MSANTD1: variants seen among roughly 807,000 people sequenced by gnomAD.
The protein encoded by MSANTD1 is myb/SANT-like DNA-binding domain-containing protein 1.
A neutral mutation model predicts 24.2 loss-of-function variants in MSANTD1; 7 were observed. That is an observed-to-expected ratio of 0.29 (90% CI 0.16 to 0.54). The LOEUF is 0.54. Among genes scored for constraint, MSANTD1 ranks in the 20% least tolerant of loss-of-function variants. MSANTD1 has a pLI of 0.94. For synonymous variants in MSANTD1, 177 were observed against 181.1 expected, an observed-to-expected ratio of 0.98 and a Z score of 0.18; for missense variants, 384 against 408.2, an observed-to-expected ratio of 0.94 and a Z score of 0.51.
At chr4:3,251,665 C>CA (rs2110320628) in intron 1 of MSANTD1, among the ~76,000 whole-genome samples, 1 of 151,770 alleles carries the variant, frequency 6.6e-6, no homozygotes, top group East Asian at 1.9e-4. Context: ...CTCCCCATAG[C>CA]AGAGGCTTTT....
chr4:3,253,070 T>A (rs1395494124), intron 1 of MSANTD1, 137 bp from the exon 2 acceptor site: 9 of 830,934 alleles, frequency 1.1e-5, no homozygotes, highest in African/African-American at 1.8e-5. Flanking sequence ...CCTGGCCGAT[T>A]TTGCTGGGGA....
rs1193882778 is a variant in MSANTD1 at position 3,255,989 on chromosome 4, G to GC, written c.*24_*25insC. ...AGGCCAGCAGGCGGCGGCGGCGGCG[G>GC]GGCCGGGCGGCTGGTGGTACTGCTC... On this transcript the variant is annotated 3_prime_UTR_variant, in exon 3 of 3. Coordinates refer to ENST00000438480, the MANE Select transcript of MSANTD1 (RefSeq NM_001042690.2). 6.7e-7 allele frequency: 1 copy of GC among 1,484,412 alleles called. No individual in the cohort carries two copies. Among genetic ancestry groups the GC allele is most frequent in the East Asian group, 2.5e-5 (1 of 39,914 alleles). 92.0% of individuals were successfully genotyped at this position (1,484,412 alleles called of 1,614,324 possible). A position where few individuals can be genotyped will look rare whatever the true frequency, so the allele number is the denominator to read the frequency against.
chr4:3,251,503 C>T (rs1475824035), intron 1 of MSANTD1, among the ~76,000 whole-genome samples: 2 of 152,098 alleles, frequency 1.3e-5, no homozygotes, highest in Non-Finnish European at 2.9e-5. Flanking sequence ...CACACCGCAG[C>T]CCCTCAGAGC....
intron 1 of MSANTD1, among the ~76,000 whole-genome samples, chr4:3,251,037 C>T (rs1482370247): frequency 6.6e-6 from 1 of 152,244 alleles, no homozygotes; most frequent in Non-Finnish European, 1.5e-5. Flanking sequence ...AAAGCCGGGA[C>T]CTAGGGTGCT....
Position 3,255,972 on chromosome 4 carries a change from A to AGGCGGCGGC in MSANTD1, c.*16_*24dup, listed in dbSNP as rs750401504. Reference sequence around the variant, plus strand: ...CACCAAGTCCAGCGTCTAGGCCAGCAGGCGGCGGCGGCGGCGGGGCCGGGC... The same window carrying AGGCGGCGGC: ...CACCAAGTCCAGCGTCTAGGCCAGCAGGCGGCGGCGGCGGCGGCGGCGGCGGGGCCGGGC... On this transcript the variant is annotated 3_prime_UTR_variant, in exon 3 of 3. Transcript: ENST00000438480. The AGGCGGCGGC allele has an allele frequency of 6.0e-6, 9 of 1,509,134 alleles. No individual in the cohort carries two copies. The highest frequency in any genetic ancestry group is 8.0e-6 in the Non-Finnish European group (9 of 1,128,664). The allele number at this position is 1,509,134 out of a possible 1,614,324, so 93.5% of individuals were successfully genotyped here. A position where few individuals can be genotyped will look rare whatever the true frequency, so the allele number is the denominator to read the frequency against.
chr4:3,252,741 T>A (rs574500460), intron 1 of MSANTD1, among the ~76,000 whole-genome samples: 2 of 152,352 alleles, frequency 1.3e-5, no homozygotes, highest in East Asian at 3.8e-4. Context: ...CCCTGAGGCA[T>A]TCTCTCCCGA....
In MSANTD1 at chr4:3,249,205, G is replaced by T; in HGVS notation, c.-18G>T. On this transcript the variant is annotated 5_prime_UTR_variant, in exon 1 of 3. Coordinates refer to ENST00000438480, the MANE Select transcript of MSANTD1 (RefSeq NM_001042690.2). Reference sequence around the variant, plus strand: ...CGTGGAGCTGCCTTCGAGCGAGCGTGAGCGGCGCCTCCCGCCCATGGTGCG... The same window carrying T: ...CGTGGAGCTGCCTTCGAGCGAGCGTTAGCGGCGCCTCCCGCCCATGGTGCG... 1.4e-6 allele frequency: 2 copies of T among 1,380,842 alleles called. No individual in the cohort carries two copies. The highest frequency in any genetic ancestry group is 1.7e-5 in the South Asian group (1 of 58,148). The allele number at this position is 1,380,842 out of a possible 1,614,324, so 85.5% of individuals were successfully genotyped here.
chr4:3,255,695 G>A (rs924939064), intron 2 of MSANTD1, 30 bp from the exon 3 acceptor site: 15 of 1,500,056 alleles, frequency 1.0e-5, no homozygotes, highest in Non-Finnish European at 1.3e-5. Flanking sequence ...TCTGTGGCCA[G>A]CACGTCCACA....
Position 3,256,149 on chromosome 4 carries a change from C to T in MSANTD1, c.*184C>T, listed in dbSNP as rs1053792491. 7.7e-6 allele frequency: 5 copies of T among 645,450 alleles called. No individual in the cohort carries two copies. Among genetic ancestry groups the T allele is most frequent in the East Asian group, 3.4e-5 (1 of 29,480 alleles). The allele number at this position is 645,450 out of a possible 1,614,324, so 40.0% of individuals were successfully genotyped here. A position where few individuals can be genotyped will look rare whatever the true frequency, so the allele number is the denominator to read the frequency against. On this transcript the variant is annotated 3_prime_UTR_variant, in exon 3 of 3. Transcript: ENST00000438480. ...TGAGGAACCCCCAGGCCCTGGGGAC[C>T]GTGAGGCTCCAGTCTCCAGCATGAA...
chr4:3,250,319 G>A (rs1326544942), intron 1 of MSANTD1, among the ~76,000 whole-genome samples: 1 of 152,206 alleles, frequency 6.6e-6, no homozygotes, highest in Admixed American at 6.5e-5. Flanking sequence ...TGCAGGGAAG[G>A]CCGGAGGGGA....
chr4:3,247,223 G>A (rs1259956826), upstream of MSANTD1, among the ~76,000 whole-genome samples: 1 of 152,166 alleles, frequency 6.6e-6, no homozygotes, highest in African/African-American at 2.4e-5. Context: ...GTCAGATCCT[G>A]TTACCCCTGT....
intron 2 of MSANTD1, among the ~76,000 whole-genome samples, chr4:3,255,052 C>A (rs930834454): frequency 6.6e-6 from 1 of 152,174 alleles, no homozygotes; most frequent in African/African-American, 2.4e-5. Flanking sequence ...GGGGCTGAGC[C>A]CCCACCTGCC....
chr4:3,251,882 G>T (rs990281047), intron 1 of MSANTD1, among the ~76,000 whole-genome samples: 1 of 152,058 alleles, frequency 6.6e-6, no homozygotes, highest in African/African-American at 2.4e-5. Context: ...GAGAAGCCTG[G>T]GGCAGAGGTT....
At chr4:3,250,026 C>A (rs1245950978) in intron 1 of MSANTD1, among the ~76,000 whole-genome samples, 3 of 152,240 alleles carry the variant, frequency 2.0e-5, no homozygotes, top group Non-Finnish European at 4.4e-5. Flanking sequence ...ATTGAGACTG[C>A]AAGTGAGAAG....
chr4:3,254,324 G>C (rs193196179), intron 2 of MSANTD1, among the ~76,000 whole-genome samples: 1 of 152,216 alleles, frequency 6.6e-6, no homozygotes, highest in South Asian at 2.1e-4. Context: ...GCCGGGGGCC[G>C]CTGCTTGACT....
intron 1 of MSANTD1, 125 bp downstream of exon 1, chr4:3,249,667 T>A (rs915674108): frequency 4.2e-6 from 4 of 960,342 alleles, no homozygotes; most frequent in Non-Finnish European, 6.3e-6. Context: ...GTCGGTCTCC[T>A]CTGGCCGGGT....
intron 2 of MSANTD1, among the ~76,000 whole-genome samples, chr4:3,254,346 A>G (rs1722322171): frequency 6.6e-6 from 1 of 152,242 alleles, no homozygotes; most frequent in Admixed American, 6.5e-5. Context: ...AGGATTTCTC[A>G]TTGAAGACCT....
At chr4:3,253,615 T>G (rs1355917632) in intron 2 of MSANTD1, 133 bp downstream of exon 2, 1 of 951,596 alleles carries the variant, frequency 1.1e-6, no homozygotes, top group African/African-American at 1.7e-5. Context: ...GGGCAGCGCC[T>G]CCAGGGACAG....
chr4:3,244,972 C>T (rs1160634446), upstream of MSANTD1: 1 of 152,314 alleles, frequency 6.6e-6, no homozygotes, highest in Non-Finnish European at 1.5e-5. Flanking sequence ...GGGCATGCCA[C>T]TTGAGCTCCC....
Sources: allele counts gnomAD v4.1 joint callset (sites outside exome capture counted in the v4.1 genomes callset), GRCh38; gene constraint gnomAD v4.1.1; transcripts MANE v1.5; gene names NCBI Gene and HGNC (gene_info 2026-07-23, HGNC 2026-07-21).